Variants in INVS observed in about 807,000 individuals in gnomAD.
INVS encodes the protein inversin.
In INVS, 86 loss-of-function variants were observed where a neutral mutation model predicts 108.8. The ratio of observed to expected loss-of-function variants is 0.79; its 90% CI spans 0.66 to 0.95. The LOEUF is 0.95. INVS is among the 40% of genes least tolerant of loss of function. The pLI is 0.00. For missense variants in INVS, 1,169 were observed against 1,297.4 expected, an observed-to-expected ratio of 0.90 and a Z score of 1.52; for synonymous variants, 455 against 473.5, an observed-to-expected ratio of 0.96 and a Z score of 0.51.
intron 11 of INVS, among the ~76,000 whole-genome samples, chr9:100,267,086 T>C (rs1040136570): frequency 2.0e-5 from 3 of 151,938 alleles, no homozygotes; most frequent in Admixed American, 1.3e-4. Flanking sequence ...CTTGTTTTGT[T>C]TCTATAAAAA....
At chr9:100,133,796 CACACACACAT>C (rs1447163891) in intron 3 of INVS, among the ~76,000 whole-genome samples, 1,518 of 138,456 alleles carry the variant, frequency 0.011, 21 homozygotes, top group African/African-American at 0.042. Flanking sequence ...CACACACACA[CACACACACAT>C]ACACACATCC....
chr9:100,141,689 C>T (rs1828433413), intron 3 of INVS, among the ~76,000 whole-genome samples: 2 of 152,094 alleles, frequency 1.3e-5, no homozygotes, highest in African/African-American at 4.8e-5. Flanking sequence ...GGCAAATCTC[C>T]GAGCTTGATA....
At chr9:100,137,920 T>C (rs1256280117) in intron 3 of INVS, among the ~76,000 whole-genome samples, 2 of 152,194 alleles carry the variant, frequency 1.3e-5, no homozygotes, top group Non-Finnish European at 2.9e-5. Context: ...AATTTAAACA[T>C]TAAGGTTCTA....
intron 15 of INVS, 87 bp from the exon 16 acceptor site, chr9:100,297,849 G>A: frequency 7.5e-7 from 1 of 1,341,386 alleles, no homozygotes; most frequent in Non-Finnish European, 1.1e-6. Flanking sequence ...GCAAGCTCAA[G>A]CCTTTACCAC....
chr9:100,150,194 C>G (rs529149842), intron 3 of INVS, among the ~76,000 whole-genome samples: 70 of 152,280 alleles, frequency 4.6e-4, no homozygotes, highest in African/African-American at 1.5e-3. Flanking sequence ...CATAGTAGAG[C>G]AGCCTTGAAG....
intron 3 of INVS, among the ~76,000 whole-genome samples, chr9:100,160,584 ATTTATAGTTGTG>A (rs1296176999): frequency 3.3e-5 from 5 of 152,122 alleles, no homozygotes; most frequent in Admixed American, 1.3e-4. Flanking sequence ...GCAAGTCTGA[ATTTATAGTTGTG>A]TTCTCTTTCC....
At chr9:100,185,516 A>AATATATATATATATATAT (rs35603398) in intron 3 of INVS, among the ~76,000 whole-genome samples, 52 of 110,838 alleles carry the variant, frequency 4.7e-4, no homozygotes, top group South Asian at 1.2e-3. Context: ...TATGCATAGA[A>AATATATATATATATATAT]ATATATATAT....
At chr9:100,169,584 A>G (rs1421843914) in intron 3 of INVS, among the ~76,000 whole-genome samples, 4 of 152,220 alleles carry the variant, frequency 2.6e-5, no homozygotes, top group Non-Finnish European at 4.4e-5. Context: ...TTCTCTATGT[A>G]CAAATTAAAT....
intron 3 of INVS, among the ~76,000 whole-genome samples, chr9:100,192,335 A>G (rs924814232): frequency 1.3e-5 from 2 of 151,496 alleles, no homozygotes; most frequent in African/African-American, 4.9e-5. Flanking sequence ...CTTTCACTCA[A>G]TATTTTTGAG....
chr9:100,175,754 C>G, intron 3 of INVS: 2 of 631,274 alleles, frequency 3.2e-6, no homozygotes, highest in Admixed American at 3.8e-5. Context: ...GCAGTTCGGC[C>G]TGGGGCAACC....
chr9:100,254,341 T>G (rs1199795252), intron 10 of INVS, among the ~76,000 whole-genome samples: 2 of 152,174 alleles, frequency 1.3e-5, no homozygotes, highest in Non-Finnish European at 2.9e-5. Flanking sequence ...GGGTAGATTG[T>G]AAAAATTTTC....
chr9:100,259,292 G>C (rs1564180100), intron 10 of INVS, among the ~76,000 whole-genome samples: 1 of 152,144 alleles, frequency 6.6e-6, no homozygotes, highest in Non-Finnish European at 1.5e-5. Flanking sequence ...TAGGGTGGGA[G>C]TGTCCCGATT....
At chr9:100,179,353 A>G (rs890020299) in intron 3 of INVS, among the ~76,000 whole-genome samples, 7 of 152,180 alleles carry the variant, frequency 4.6e-5, no homozygotes, top group Non-Finnish European at 1.0e-4. Flanking sequence ...CAAATTGGAT[A>G]AAGAGTCAAG....
At chr9:100,178,742 C>A (rs1440050927) in intron 3 of INVS, among the ~76,000 whole-genome samples, 1 of 152,144 alleles carries the variant, frequency 6.6e-6, no homozygotes, top group Non-Finnish European at 1.5e-5. Context: ...GGAGAACTTT[C>A]CCCACCTAGC....
At chr9:100,260,973 G>C (rs891615475) in intron 10 of INVS, among the ~76,000 whole-genome samples, 2 of 152,026 alleles carry the variant, frequency 1.3e-5, no homozygotes, top group African/African-American at 2.4e-5. Context: ...CATATATACT[G>C]CCAAACTGAT....
intron 3 of INVS, among the ~76,000 whole-genome samples, chr9:100,178,685 G>C (rs187242421): frequency 6.6e-6 from 1 of 152,168 alleles, no homozygotes; most frequent in Non-Finnish European, 1.5e-5. Context: ...TGAAAGTGAC[G>C]GGGAGAATGG....
intron 10 of INVS, among the ~76,000 whole-genome samples, chr9:100,253,348 TA>T (rs1276431352): frequency 6.6e-6 from 1 of 152,156 alleles, no homozygotes; most frequent in Non-Finnish European, 1.5e-5. Flanking sequence ...GGAATAATTT[TA>T]TAACTTTTAT....
intron 5 of INVS, among the ~76,000 whole-genome samples, chr9:100,232,757 C>A (rs772461612): frequency 4.6e-5 from 7 of 152,052 alleles, no homozygotes; most frequent in Non-Finnish European, 8.8e-5. Flanking sequence ...TTTACTGTAG[C>A]CTTGTATTAT....
intron 8 of INVS, among the ~76,000 whole-genome samples, chr9:100,251,768 A>G (rs1832246242): frequency 6.6e-6 from 1 of 152,172 alleles, no homozygotes; most frequent in South Asian, 2.1e-4. Flanking sequence ...ATGCAGCAAG[A>G]TGTGCGTGCT....
Sources: gnomAD v4.1 joint callset for allele counts (sites outside exome capture counted in the v4.1 genomes callset) on GRCh38, gnomAD v4.1.1 for gene constraint, MANE v1.5 for transcripts, NCBI Gene and HGNC (gene_info 2026-07-23, HGNC 2026-07-21) for gene names.